The following NEGR1 variants were observed in gnomAD, a reference collection of about 807,000 sequenced individuals.
The protein encoded by NEGR1 is IgLON family member 4.
NEGR1 carries 10 observed loss-of-function variants against 40.9 expected under a neutral mutation model. That is an observed-to-expected ratio of 0.24 (90% CI 0.15 to 0.42). NEGR1 has a LOEUF of 0.42. Ranked by LOEUF, NEGR1 falls within the 10% of genes least tolerant of loss-of-function variation. NEGR1 has a pLI of 1.00. For missense variants in NEGR1, 352 were observed against 438.9 expected (o/e 0.80, Z 1.77); for synonymous variants, 185 against 166.8 (o/e 1.11, Z -0.84).
At chr1:72,195,238 G>C (rs1482798452) in intron 1 of NEGR1, among the ~76,000 whole-genome samples, 1 of 151,952 alleles carries the variant, frequency 6.6e-6, no homozygotes, top group South Asian at 2.1e-4. Context: ...TGAGGATAAA[G>C]AGCTACTGCT....
At chr1:71,672,581 A>G (rs1345171770) in intron 4 of NEGR1, among the ~76,000 whole-genome samples, 1 of 152,200 alleles carries the variant, frequency 6.6e-6, no homozygotes, top group Non-Finnish European at 1.5e-5. Context: ...TCAGTGTGCT[A>G]GTCTCCAAAA....
chr1:71,683,739 A>G (rs886158225), intron 4 of NEGR1, among the ~76,000 whole-genome samples: 2 of 142,930 alleles, frequency 1.4e-5, no homozygotes, highest in African/African-American at 5.2e-5. Flanking sequence ...TGCTTTTCCT[A>G]TTTTTAAACT....
intron 6 of NEGR1, among the ~76,000 whole-genome samples, chr1:71,473,617 T>A (rs144894195): frequency 3.3e-5 from 5 of 152,192 alleles, no homozygotes; most frequent in African/African-American, 1.2e-4. Context: ...TTACTACAGA[T>A]AGGGAGTTTT....
chr1:71,952,905 T>C (rs989338271), intron 1 of NEGR1, among the ~76,000 whole-genome samples: 2 of 150,786 alleles, frequency 1.3e-5, no homozygotes, highest in African/African-American at 4.9e-5. Flanking sequence ...GCACATTTTT[T>C]ACAGCTTGAT....
At chr1:71,705,949 C>CT (rs914695455) in intron 3 of NEGR1, among the ~76,000 whole-genome samples, 1 of 151,010 alleles carries the variant, frequency 6.6e-6, no homozygotes, top group African/African-American at 2.4e-5. Flanking sequence ...GGCATCATTC[C>CT]CCAACAAGGA....
At chr1:71,636,631 A>C (rs1321817134) in intron 4 of NEGR1, among the ~76,000 whole-genome samples, 1 of 152,134 alleles carries the variant, frequency 6.6e-6, no homozygotes, top group African/African-American at 2.4e-5. Context: ...GCATTATCAA[A>C]TAGTATGCTG....
intron 1 of NEGR1, among the ~76,000 whole-genome samples, chr1:72,098,183 TCTAC>T (rs1207108894): frequency 6.6e-6 from 1 of 152,012 alleles, no homozygotes; most frequent in East Asian, 1.9e-4. Flanking sequence ...CCTTAGAAAA[TCTAC>T]CTATGACCAT....
intron 1 of NEGR1, among the ~76,000 whole-genome samples, chr1:72,213,346 GA>G (rs1158149952): frequency 3.3e-5 from 5 of 151,676 alleles, no homozygotes; most frequent in Non-Finnish European, 7.4e-5. Flanking sequence ...ATGCTTAGAA[GA>G]TTTTTTTTGT....
At chr1:72,004,830 G>C (rs1646592074) in intron 1 of NEGR1, among the ~76,000 whole-genome samples, 1 of 152,070 alleles carries the variant, frequency 6.6e-6, no homozygotes, top group African/African-American at 2.4e-5. Context: ...GGAGATTCAG[G>C]CTTCATTAGC....
At chr1:71,618,751 T>C (rs1371253318) in intron 4 of NEGR1, among the ~76,000 whole-genome samples, 1 of 152,072 alleles carries the variant, frequency 6.6e-6, no homozygotes, top group Non-Finnish European at 1.5e-5. Context: ...CATAGAAAAA[T>C]TGTCTTCCAA....
At chr1:71,419,965 A>C (rs565837651) in intron 6 of NEGR1, among the ~76,000 whole-genome samples, 2 of 152,114 alleles carry the variant, frequency 1.3e-5, no homozygotes, top group South Asian at 4.1e-4. Flanking sequence ...GAACTCAGAC[A>C]CTAGTCAAGA....
At chr1:71,545,951 C>G (rs1266795177) in intron 6 of NEGR1, among the ~76,000 whole-genome samples, 2 of 151,582 alleles carry the variant, frequency 1.3e-5, no homozygotes, top group Non-Finnish European at 3.0e-5. Context: ...TGATGTAATC[C>G]AACTTGGAAA....
chr1:72,065,974 C>T (rs1647262073), intron 1 of NEGR1, among the ~76,000 whole-genome samples: 2 of 152,032 alleles, frequency 1.3e-5, no homozygotes, highest in African/African-American at 4.8e-5. Flanking sequence ...TACATTTAAC[C>T]AACTTGCAAT....
At chr1:72,021,427 C>A (rs541091100) in intron 1 of NEGR1, among the ~76,000 whole-genome samples, 5 of 152,066 alleles carry the variant, frequency 3.3e-5, no homozygotes, top group African/African-American at 9.6e-5. Flanking sequence ...GAAATTAATG[C>A]ATTTGAAATT....
intron 2 of NEGR1, among the ~76,000 whole-genome samples, chr1:71,796,688 T>C (rs1049507001): frequency 2.6e-5 from 4 of 152,296 alleles, no homozygotes; most frequent in Non-Finnish European, 5.9e-5. Context: ...TGCAAATGCC[T>C]ATCATCTACA....
In NEGR1 at chr1:72,214,318, C is replaced by T. The variant is rs112133782; in HGVS notation, c.176+68001G>A. ...TGAAAACCGGCACAAGACAAGGATG[C>T]CCTCTCTCACCACTCCTATTCAACG... On this transcript the variant is annotated intron_variant, in intron 1 of 6. Coordinates refer to ENST00000357731, the MANE Select transcript of NEGR1 (RefSeq NM_173808.3). 6.6e-3 allele frequency among the ~76,000 whole-genome samples: 1,005 copies of T among 152,174 alleles called. 16 individuals carry two copies. Among genetic ancestry groups the T allele is most frequent in the African/African-American group, 0.023 (957 of 41,542 alleles).
chr1:72,269,538 A>T (rs1173138708), intron 1 of NEGR1, among the ~76,000 whole-genome samples: 3 of 151,794 alleles, frequency 2.0e-5, no homozygotes, highest in African/African-American at 7.2e-5. Context: ...AATCATGGTT[A>T]TGCATTAATA....
chr1:71,610,917 G>C, intron 5 of NEGR1, 109 bp downstream of exon 5: 3 of 1,131,774 alleles, frequency 2.7e-6, no homozygotes, highest in Non-Finnish European at 3.8e-6. Flanking sequence ...AGAGGAGGCT[G>C]CTGAGAATCA....
chr1:72,063,903 C>A (rs1647217016), intron 1 of NEGR1, among the ~76,000 whole-genome samples: 1 of 151,832 alleles, frequency 6.6e-6, no homozygotes, highest in Admixed American at 6.6e-5. Context: ...TGTAGTCGGC[C>A]AAGTGTTAGC....
Sources: gnomAD v4.1 joint callset for allele counts (sites outside exome capture counted in the v4.1 genomes callset) on GRCh38, gnomAD v4.1.1 for gene constraint, MANE v1.5 for transcripts, NCBI Gene and HGNC (gene_info 2026-07-23, HGNC 2026-07-21) for gene names.